The following CASD1 variants were observed in gnomAD, a reference collection of about 807,000 sequenced individuals.
CASD1 encodes the protein CAS1 domain sialic acid O acetyltransferase 1.
In CASD1, 41 loss-of-function variants were observed where a neutral mutation model predicts 100.0. That is an observed-to-expected ratio of 0.41 (90% CI 0.32 to 0.53). CASD1 has a LOEUF of 0.53. Among genes scored for constraint, CASD1 ranks in the 20% least tolerant of loss-of-function variants. The pLI, the probability that CASD1 is intolerant of heterozygous loss-of-function variation, is 0.25. For missense variants in CASD1, 774 were observed against 948.7 expected (o/e 0.82, Z 2.42); for synonymous variants, 321 against 315.6 (o/e 1.02, Z -0.18).
the CASD1 span, among the ~76,000 whole-genome samples, chr7:94,615,959 G>A: frequency 6.6e-6 from 1 of 152,206 alleles, no homozygotes; most frequent in Non-Finnish European, 1.5e-5. Flanking sequence ...TTGCCTTGGG[G>A]TTATCAGTCT....
At chr7:94,568,009 G>T in the CASD1 span, among the ~76,000 whole-genome samples, 2 of 152,072 alleles carry the variant, frequency 1.3e-5, no homozygotes, top group African/African-American at 4.8e-5. Flanking sequence ...TAAGAAATAA[G>T]CTGATTCTGA....
the CASD1 span, chr7:94,618,965 G>C: frequency 6.3e-7 from 1 of 1,577,010 alleles, no homozygotes; most frequent in Non-Finnish European, 8.7e-7. Flanking sequence ...GTCTAATTTT[G>C]GTGAAAAAGG....
chr7:94,546,958 T>A, intron 12 of CASD1, 138 bp from the exon 13 acceptor site: 1 of 503,820 alleles, frequency 2.0e-6, no homozygotes, highest in Non-Finnish European at 3.3e-6. Context: ...ACTAACTGGA[T>A]ATATTTTGTG....
At chr7:94,578,763 A>G in the CASD1 span, among the ~76,000 whole-genome samples, 1 of 152,190 alleles carries the variant, frequency 6.6e-6, no homozygotes, top group Non-Finnish European at 1.5e-5. Flanking sequence ...AGTTGCTAGA[A>G]GAAGGGTAAG....
chr7:94,625,826 T>G, the CASD1 span: 1 of 152,090 alleles, frequency 6.6e-6, no homozygotes, highest in African/African-American at 2.4e-5. Context: ...CTTTCCAGTG[T>G]TGTGCTATAC....
chr7:94,547,838 G>A (rs1443076564), intron 13 of CASD1, among the ~76,000 whole-genome samples: 1 of 151,818 alleles, frequency 6.6e-6, no homozygotes, highest in East Asian at 1.9e-4. Context: ...ATATTCTGCA[G>A]TGTACTCACA....
the CASD1 span, chr7:94,626,635 T>C: frequency 2.6e-5 from 4 of 152,030 alleles, no homozygotes; most frequent in Non-Finnish European, 5.9e-5. Flanking sequence ...ATTTATATCA[T>C]TGATGGTTTC....
the CASD1 span, among the ~76,000 whole-genome samples, chr7:94,613,537 T>C: frequency 6.6e-6 from 1 of 152,174 alleles, no homozygotes; most frequent in African/African-American, 2.4e-5. Flanking sequence ...GTGCACTAGA[T>C]AGAGTTGTTT....
intron 3 of CASD1, among the ~76,000 whole-genome samples, chr7:94,518,792 A>G (rs77863875): frequency 0.012 from 1,755 of 152,100 alleles, 33 homozygotes; most frequent in African/African-American, 0.04. Flanking sequence ...TAATGGCAAC[A>G]TATTATTGAG....
At chr7:94,607,061 AAAG>A in the CASD1 span, among the ~76,000 whole-genome samples, 1 of 152,146 alleles carries the variant, frequency 6.6e-6, no homozygotes, top group Non-Finnish European at 1.5e-5. Flanking sequence ...GAAACTAGAA[AAAG>A]AAGAACAAAT....
At chr7:94,527,970 C>G (rs1794657868) in intron 4 of CASD1, among the ~76,000 whole-genome samples, 1 of 152,158 alleles carries the variant, frequency 6.6e-6, no homozygotes. Flanking sequence ...AAAGATTGCT[C>G]TGGCTAAAAT....
the CASD1 span, chr7:94,586,958 G>A: frequency 1.0e-6 from 1 of 984,112 alleles, no homozygotes; most frequent in South Asian, 4.7e-5. Context: ...AGGAGATACT[G>A]TACTTTAGTC....
Position 94,549,536 on chromosome 7 carries a change from G to A in CASD1, c.1717G>A (p.Ala573Thr). ...TTTTCTGGATTCCTTTTTTCAGGGT[G>A]CATTTGAGAAGATCTTTTCTCTTTG... is the stretch of plus-strand genomic sequence containing the variant. Reference protein sequence around the residue: ...FICFLAYSQGAFEKIFSLWPL... With the variant: ...FICFLAYSQGTFEKIFSLWPL... The change falls in exon 14 of 18, where the codon GCA becomes ACA. Residue 573 changes from alanine to threonine, a missense_variant. Ala to Thr is a moderately conservative substitution (Grantham distance 58). This residue lies in a region of CASD1 where 453 missense variants were observed against 532.6 expected (regional missense o/e 0.85). Coordinates refer to ENST00000297273, the MANE Select transcript of CASD1 (RefSeq NM_022900.5). 7 of 1,602,930 alleles carry A rather than the reference G, an allele frequency of 4.4e-6. 1 individual carries two copies. The highest frequency in any genetic ancestry group is 4.3e-6 in the Non-Finnish European group (5 of 1,174,576).
At chr7:94,533,309 G>A in intron 6 of CASD1, 60 bp downstream of exon 6, 1 of 1,396,006 alleles carries the variant, frequency 7.2e-7, no homozygotes, top group East Asian at 2.3e-5. Flanking sequence ...AACATGCTAA[G>A]AAAAAGTTAA....
chr7:94,615,365 AATAGATAGATAG>A, the CASD1 span, among the ~76,000 whole-genome samples: 22,392 of 142,182 alleles, frequency 0.16, 1,889 homozygotes, highest in African/African-American at 0.2. Flanking sequence ...TCTCAAAATA[AATAGATAGATAG>A]ATAGATAGAT....
the CASD1 span, among the ~76,000 whole-genome samples, chr7:94,612,110 C>T: frequency 3.9e-5 from 6 of 151,962 alleles, no homozygotes; most frequent in South Asian, 2.1e-4. Context: ...TTGTAAGGAC[C>T]GAGATTAAAT....
At chr7:94,587,609 C>T in the CASD1 span, 4 of 1,381,548 alleles carry the variant, frequency 2.9e-6, no homozygotes, top group South Asian at 5.6e-5. Context: ...AAGTTTGTTC[C>T]TTCATCAATC....
chr7:94,523,536 T>G (rs2116238626), intron 3 of CASD1, among the ~76,000 whole-genome samples: 1 of 152,312 alleles, frequency 6.6e-6, no homozygotes, highest in Non-Finnish European at 1.5e-5. Flanking sequence ...CCATAAAAAT[T>G]TATTGGAAGA....
the CASD1 span, among the ~76,000 whole-genome samples, chr7:94,568,462 T>C: frequency 3.3e-5 from 5 of 152,148 alleles, no homozygotes; most frequent in African/African-American, 1.2e-4. Context: ...TCATAAAAGA[T>C]TGACAAAATC....
Sources: gnomAD v4.1 joint callset for allele counts (sites outside exome capture counted in the v4.1 genomes callset) on GRCh38, gnomAD v4.1.1 for gene constraint, gnomAD v4.1.1 regional missense constraint, MANE v1.5 for transcripts, NCBI Gene and HGNC (gene_info 2026-07-23, HGNC 2026-07-21) for gene names.